NLRP11: variants seen among roughly 807,000 people sequenced by gnomAD.
NLRP11 encodes the protein NLR family pyrin domain containing 11.
In NLRP11, 53 loss-of-function variants were observed where a neutral mutation model predicts 79.3. That is an observed-to-expected ratio of 0.67 (90% confidence interval 0.54 to 0.84). The LOEUF (loss-of-function observed/expected upper bound fraction) is 0.84. Among genes scored for constraint, NLRP11 ranks in the 40% least tolerant of loss-of-function variants. The pLI is 0.00. For synonymous variants in NLRP11, 518 were observed against 462.6 expected, an observed-to-expected ratio of 1.12 and a Z score of -1.54; for missense variants, 1,264 against 1,255.0, an observed-to-expected ratio of 1.01 and a Z score of -0.11.
At position 55,809,676 on chromosome 19, in the gene NLRP11, A is replaced by G; in HGVS notation, c.934T>C (p.Phe312Leu). Residue 312 changes from phenylalanine to leucine, a missense_variant, in exon 3 of 10, where the codon TTC becomes CTC. Transcript: ENST00000589093. The surrounding 1 kb of genome is among the most constrained non-coding windows in gnomAD (Gnocchi z 4.5). ...GACGCCCTCTGGCGGTCTTTAAAGA[A>G]AGAGTTAAAATATATCTCCCTCTTC... 1 of 1,614,132 alleles carries G rather than the reference A, an allele frequency of 6.2e-7. No individual in the cohort carries two copies. Among genetic ancestry groups the G allele is most frequent in the Non-Finnish European group, 8.5e-7 (1 of 1,180,002 alleles).
intron 6 of NLRP11, among the ~76,000 whole-genome samples, chr19:55,793,165 C>T (rs1042129693): frequency 1.3e-5 from 2 of 152,218 alleles, no homozygotes; most frequent in Non-Finnish European, 2.9e-5. Flanking sequence ...TAGGCGTGAG[C>T]CACCACACCC....
chr19:55,833,272 T>C (rs981413452), upstream of NLRP11, among the ~76,000 whole-genome samples: 21 of 152,278 alleles, frequency 1.4e-4, no homozygotes, highest in African/African-American at 4.6e-4. Context: ...TGCTCCCAAA[T>C]AGACCTTTAT....
At chr19:55,797,784 A>C (rs2616942) in intron 5 of NLRP11, among the ~76,000 whole-genome samples, 2 of 151,956 alleles carry the variant, frequency 1.3e-5, no homozygotes, top group Non-Finnish European at 2.9e-5. Flanking sequence ...AAGAATTTTA[A>C]CAGAAACTTG....
At chr19:55,785,787 A>G (rs370557210) in exon 10 of NLRP11, 2 of 1,614,156 alleles carry the variant, frequency 1.2e-6, no homozygotes, top group African/African-American at 2.7e-5. Context: ...ACCAAGTTTC[A>G]GACAGAAAGA....
intron 1 of NLRP11, among the ~76,000 whole-genome samples, chr19:55,827,984 T>C (rs1202833514): frequency 2.0e-5 from 3 of 151,714 alleles, no homozygotes. Context: ...TACTGCGGCA[T>C]TATTCACAAT....
chr19:55,793,091 G>A (rs1190377074), intron 6 of NLRP11, among the ~76,000 whole-genome samples: 2 of 152,060 alleles, frequency 1.3e-5, no homozygotes, highest in Non-Finnish European at 2.9e-5. Flanking sequence ...TGTTGCCCAG[G>A]CTGGTCTTGA....
Position 55,785,772 on chromosome 19 carries a change from T to TA in NLRP11, c.2954dup (p.Leu985PhefsTer21). Reference sequence around the variant, plus strand: ...TCACACCAATTTCTCTGCCTTCCTTTAAAGACCAAGTTTCAGACAGAAAGA... The same window carrying TA: ...TCACACCAATTTCTCTGCCTTCCTTTAAAAGACCAAGTTTCAGACAGAAAGA... On this transcript the variant is annotated frameshift_variant, in exon 10 of 10. Transcript: ENST00000589093. LOFTEE classifies it low-confidence loss of function (END_TRUNC). 1 of 1,614,130 alleles carries TA rather than the reference T, an allele frequency of 6.2e-7. No individual in the cohort carries two copies. The highest frequency in any genetic ancestry group is 8.5e-7 in the Non-Finnish European group (1 of 1,179,944).
At chr19:55,790,669 A>G (rs1568626612) in intron 7 of NLRP11, among the ~76,000 whole-genome samples, 1 of 152,174 alleles carries the variant, frequency 6.6e-6, no homozygotes, top group Non-Finnish European at 1.5e-5. Flanking sequence ...CCTATTTTTC[A>G]TTTAGTAGTT....
chr19:55,792,157 G>A (rs757488126), intron 7 of NLRP11, 144 bp downstream of exon 7: 35 of 672,668 alleles, frequency 5.2e-5, no homozygotes, highest in Non-Finnish European at 8.6e-5. Context: ...GTGCTTTCAT[G>A]TCGCCTATTC....
chr19:55,800,942 G>C (rs1039380672), intron 5 of NLRP11: 6 of 152,238 alleles, frequency 3.9e-5, no homozygotes, highest in African/African-American at 1.4e-4. Flanking sequence ...CACTTTGGGA[G>C]GCTGAGGCCT....
rs148129309 is a variant in NLRP11 at position 55,788,310 on chromosome 19, C to T, written c.2855+497G>A. On this transcript the variant is annotated intron_variant, in intron 9 of 9. Transcript: ENST00000589093. ...GTCATCTTTTACTCACCATTGAGTA[C>T]ATCCTCTGCTTTAAGAACGAGGCAT... Among the ~76,000 whole-genome samples the T allele has an allele frequency of 2.0e-5, 3 of 151,776 alleles. No homozygotes were observed. The East Asian group carries it at 5.8e-4, about 29-fold the overall frequency.
At chr19:55,785,935 A>C in intron 9 of NLRP11, 64 bp from the exon 10 acceptor site, 1 of 1,524,844 alleles carries the variant, frequency 6.6e-7, no homozygotes, top group Non-Finnish European at 8.9e-7. Context: ...TTGTTGCATC[A>C]ATGACTAATT....
rs1438204526 is a variant in NLRP11 at position 55,821,203 on chromosome 19, TCTCACACA to T, written c.-62-2975_-62-2968del. On this transcript the variant is annotated intron_variant, in intron 1 of 9. Coordinates refer to ENST00000589093, the Ensembl canonical transcript of NLRP11. ...CTATGTGACCAGCTCTCTCTCTCTC[TCTCACACA>T]CACACACACACACACACACACACAC... 7.6e-3 allele frequency among the ~76,000 whole-genome samples: 856 copies of T among 113,206 alleles called. 4 individuals carry two copies. The highest frequency in any genetic ancestry group is 0.014 in the Middle Eastern group (3 of 220). The allele number at this position is 113,206 out of a possible 152,430, so 74.3% of individuals were successfully genotyped here. A position where few individuals can be genotyped will look rare whatever the true frequency, so the allele number is the denominator to read the frequency against.
chr19:55,807,771 A>G (rs1421881497), intron 4 of NLRP11, 82 bp downstream of exon 4: 1 of 928,748 alleles, frequency 1.1e-6, no homozygotes, highest in East Asian at 2.4e-5. Context: ...TGTGTTTTGT[A>G]TATTGTCTTC....
At chr19:55,796,801 G>A (rs1050465662) in intron 5 of NLRP11, among the ~76,000 whole-genome samples, 1 of 151,574 alleles carries the variant, frequency 6.6e-6, no homozygotes, top group African/African-American at 2.4e-5. Flanking sequence ...CGATTCTCCT[G>A]CCTCGGCCTC....
chr19:55,808,195 T>C (rs1233367608), intron 3 of NLRP11, among the ~76,000 whole-genome samples, 181 bp from the exon 4 acceptor site: 1 of 152,198 alleles, frequency 6.6e-6, no homozygotes, highest in Non-Finnish European at 1.5e-5. Flanking sequence ...TTAAAGTAGC[T>C]GGTGATTCCA....
At chr19:55,829,507 A>G (rs143480054) in intron 1 of NLRP11, among the ~76,000 whole-genome samples, 5,681 of 152,100 alleles carry the variant, frequency 0.037, 145 homozygotes, top group South Asian at 0.064. Context: ...CTCTACTAAA[A>G]GTACAAAAAA....
At chr19:55,821,435 C>A (rs1981726835) in intron 1 of NLRP11, among the ~76,000 whole-genome samples, 1 of 152,142 alleles carries the variant, frequency 6.6e-6, no homozygotes, top group South Asian at 2.1e-4. Flanking sequence ...TGCTTTGTAG[C>A]CCTCACTGTA....
chr19:55,822,561 G>A (rs1458370172), intron 1 of NLRP11, among the ~76,000 whole-genome samples: 7 of 151,970 alleles, frequency 4.6e-5, no homozygotes, highest in Non-Finnish European at 5.9e-5. Flanking sequence ...TGCGCGCACC[G>A]TGCGCGAGCC....
Sources: allele counts gnomAD v4.1 joint callset (sites outside exome capture counted in the v4.1 genomes callset), GRCh38; gene constraint gnomAD v4.1.1; non-coding constraint Gnocchi (gnomAD v3.1); transcripts MANE v1.5; gene names NCBI Gene and HGNC (gene_info 2026-07-23, HGNC 2026-07-21).